The following LAMA5 variants were observed in gnomAD, a reference collection of about 807,000 sequenced individuals.
LAMA5 encodes the protein laminin subunit alpha-5.
In LAMA5, 260 loss-of-function variants were observed where a neutral mutation model predicts 433.4. The ratio of observed to expected loss-of-function variants is 0.60; its 90% confidence interval spans 0.54 to 0.66. The LOEUF (loss-of-function observed/expected upper bound fraction) is 0.66, where lower values mean the gene tolerates loss of function less well. LAMA5 is among the 30% of genes least tolerant of loss of function. LAMA5 has a pLI of 0.00. For synonymous variants in LAMA5, 2,620 were observed against 2,226.6 expected, an observed-to-expected ratio of 1.18 and a Z score of -4.97; for missense variants, 5,378 against 5,258.5, an observed-to-expected ratio of 1.02 and a Z score of -0.70.
intron 19 of LAMA5, 38 bp from the exon 20 acceptor site, chr20:62,335,164 G>A: frequency 6.2e-7 from 1 of 1,612,154 alleles, no homozygotes. Context: ...GGGCAGGGGA[G>A]GGTCCTGACC....
intron 74 of LAMA5, 28 bp from the exon 75 acceptor site, chr20:62,310,857 G>A (rs1041230973): frequency 1.1e-5 from 17 of 1,597,838 alleles, no homozygotes; most frequent in Non-Finnish European, 1.4e-5. Context: ...GTCAGGGTAG[G>A]GCTGCCAGGC....
At chr20:62,319,037 G>A (rs1601305191) in intron 51 of LAMA5, 24 bp from the exon 52 acceptor site, 1 of 1,521,506 alleles carries the variant, frequency 6.6e-7, no homozygotes, top group East Asian at 2.4e-5. Context: ...GTTCGTCAGA[G>A]CCTGGGGCCG....
rs372144112 is a variant in LAMA5 at position 62,325,506 on chromosome 20, C to A, written c.5339G>T (p.Arg1780Leu). The change falls in exon 41 of 80, where the codon CGC becomes CTC. Residue 1780 changes from arginine to leucine, a missense_variant. Transcript: ENST00000252999. ...GGCCAGCACCATCATGAGCTCCTCG[C>A]GGGACACAGTGTTGCGCGTCTCCGT... ...RHTETRNTVS[R>L]EELMMVLASL... 2 of 1,612,400 alleles carry A rather than the reference C, an allele frequency of 1.2e-6. No individual in the cohort carries two copies. Among genetic ancestry groups the A allele is most frequent in the African/African-American group, 2.7e-5 (2 of 74,892 alleles).
intron 26 of LAMA5, 148 bp from the exon 27 acceptor site, chr20:62,332,865 G>A (rs1001245604): frequency 2.9e-5 from 31 of 1,078,110 alleles, no homozygotes; most frequent in Non-Finnish European, 3.7e-5. Context: ...AGTGGTGGGG[G>A]CTGAGCTGTA....
intron 2 of LAMA5, among the ~76,000 whole-genome samples, chr20:62,361,858 G>C (rs991406213): frequency 1.3e-5 from 2 of 152,228 alleles, no homozygotes; most frequent in Admixed American, 6.5e-5. Context: ...CCCAGCTGCA[G>C]CCTCCTGCTT....
rs761510400 is a variant in LAMA5, at chr20:62,333,688, G to T, written c.2897C>A (p.Pro966His). ...CTCCGTGCTGGGTGGGAAGGCCACGGGCTGACTCTGTGCTGTGCCTGGGCG... is the reference window on the plus strand; with the variant it reads ...CTCCGTGCTGGGTGGGAAGGCCACGTGCTGACTCTGTGCTGTGCCTGGGCG... ...TCANCTAQSQ[P>H]VAFPPSTEPA... Residue 966 changes from proline (P) to histidine (H), a missense_variant, in exon 24 of 80, where the codon CCC (proline) becomes CAC (histidine). By Grantham distance (77) the Pro-to-His change is moderately conservative. Transcript: ENST00000252999. The T allele has an allele frequency of 7.5e-6, 12 of 1,594,274 alleles. No homozygotes were observed. The highest frequency in any genetic ancestry group is 9.4e-6 in the Non-Finnish European group (11 of 1,172,316).
intron 4 of LAMA5, 61 bp downstream of exon 4, chr20:62,352,181 C>T (rs2146311419): frequency 1.3e-6 from 2 of 1,561,264 alleles, no homozygotes; most frequent in East Asian, 4.5e-5. Context: ...CGGCACTGCC[C>T]CTCCCCTACC....
intron 9 of LAMA5, 31 bp downstream of exon 9, chr20:62,346,475 C>T (rs1370949139): frequency 1.9e-6 from 3 of 1,543,796 alleles, no homozygotes; most frequent in Non-Finnish European, 1.8e-6. Context: ...ACCCTGAGAC[C>T]CAGGACACCC....
chr20:62,309,866 T>G, intron 78 of LAMA5, 31 bp from the exon 79 acceptor site: 1 of 1,610,030 alleles, frequency 6.2e-7, no homozygotes. Context: ...TGAGGCCAGG[T>G]GGTCCTCAGC....
chr20:62,315,723 C>T (rs546873935), intron 58 of LAMA5, among the ~76,000 whole-genome samples: 1 of 152,328 alleles, frequency 6.6e-6, no homozygotes, highest in East Asian at 1.9e-4. Flanking sequence ...TCCATTTCTA[C>T]CCAAAGCACT....
At chr20:62,353,011 C>T (rs1601411865) in intron 3 of LAMA5, 123 bp downstream of exon 3, 1 of 687,014 alleles carries the variant, frequency 1.5e-6, no homozygotes, top group South Asian at 1.9e-5. Flanking sequence ...ACAGTCATGA[C>T]CGCAGCAGCC....
chr20:62,320,686 G>C lies in LAMA5; in HGVS notation c.6649-17C>G. 1 of 1,611,636 alleles carries C rather than the reference G, an allele frequency of 6.2e-7. No individual in the cohort carries two copies. The highest frequency in any genetic ancestry group is 1.3e-5 in the African/African-American group (1 of 75,016). On this transcript the variant is annotated splice_polypyrimidine_tract_variant and intron_variant, in intron 49 of 79. Coordinates refer to ENST00000252999, the MANE Select transcript of LAMA5 (RefSeq NM_005560.6). ...GAGCTGGCTCTGTGGGAGGCGAAAGGTGAAGGCCTGCACTGGCCCGGGTTG... is the reference window on the plus strand; with the variant it reads ...GAGCTGGCTCTGTGGGAGGCGAAAGCTGAAGGCCTGCACTGGCCCGGGTTG...
intron 76 of LAMA5, 48 bp from the exon 77 acceptor site, chr20:62,310,359 G>C (rs370965283): frequency 6.4e-7 from 1 of 1,569,732 alleles, no homozygotes; most frequent in Non-Finnish European, 8.6e-7. Context: ...CCCCTCCCCA[G>C]AACCTCCTGG....
intron 58 of LAMA5, 82 bp downstream of exon 58, chr20:62,315,866 C>T: frequency 9.2e-7 from 1 of 1,082,792 alleles, no homozygotes; most frequent in South Asian, 1.4e-5. Context: ...AGTGAGTGCT[C>T]ACCAACCACA....
intron 1 of LAMA5, among the ~76,000 whole-genome samples, chr20:62,364,392 C>T (rs111774423): frequency 7.0e-4 from 107 of 152,266 alleles, no homozygotes; most frequent in African/African-American, 2.4e-3. Context: ...TGGAAGGTTG[C>T]GGGTCAAGGG....
In LAMA5 at chr20:62,323,687, G is replaced by A. The variant is rs1568924006; in HGVS notation, c.5850-17C>T. The A allele has an allele frequency of 1.3e-6, 2 of 1,599,294 alleles. No homozygotes were observed. The highest frequency in any genetic ancestry group is 1.3e-5 in the African/African-American group (1 of 74,688). ...GGCGCACACCTGGGAGCAGGGTGGG[G>A]AGGGGCCGTCAGTGGCCCGTGGCGC... is the stretch of plus-strand genomic sequence containing the variant. On this transcript the variant is annotated splice_polypyrimidine_tract_variant and intron_variant, in intron 44 of 79. Coordinates refer to ENST00000252999, the MANE Select transcript of LAMA5 (RefSeq NM_005560.6).
In LAMA5 at chr20:62,318,455, A is replaced by G. The variant is rs1425387042; in HGVS notation, c.7238T>C (p.Leu2413Pro). 2 of 1,578,614 alleles carry G rather than the reference A, an allele frequency of 1.3e-6. No homozygotes were observed. Among genetic ancestry groups the G allele is most frequent in the East Asian group, 2.3e-5 (1 of 43,726 alleles). ...GAAGAACAAGTCCGGGGTCCTCACC[A>G]GGGCTTCCTCCAGGCGCTCCTGGTT... ...SRNQERLEEA[L>P]QRKQELSRDN... Residue 2413 changes from leucine (L) to proline (P), a missense_variant and splice_region_variant, in exon 53 of 80, where the codon CTG becomes CCG. By Grantham distance (98) the Leu-to-Pro change is moderately conservative. Transcript: ENST00000252999.
chr20:62,345,892 C>G lies in LAMA5; in HGVS notation c.1418-15G>C, dbSNP rs1367627818. The stretch of plus-strand genomic sequence containing the variant: ...CGAGGGCGTCGCTGAGGGGAAGAGA[C>G]ACGCATGTTGGCCAGGTCTGCTCAG... On this transcript the variant is annotated splice_polypyrimidine_tract_variant and intron_variant, in intron 10 of 79. Coordinates refer to ENST00000252999, the MANE Select transcript of LAMA5 (RefSeq NM_005560.6). 1 of 1,556,090 alleles carries G rather than the reference C, an allele frequency of 6.4e-7. No individual in the cohort carries two copies. The highest frequency in any genetic ancestry group is 2.4e-5 in the East Asian group (1 of 41,390).
intron 11 of LAMA5, chr20:62,345,531 G>A (rs778787370): frequency 6.2e-5 from 34 of 547,378 alleles, no homozygotes; most frequent in East Asian, 5.3e-4. Flanking sequence ...CTCAGCCTCC[G>A]GAGTAGCTCG....
Sources: allele counts gnomAD v4.1 joint callset (sites outside exome capture counted in the v4.1 genomes callset), GRCh38; gene constraint gnomAD v4.1.1; transcripts MANE v1.5; gene names NCBI Gene and HGNC (gene_info 2026-07-23, HGNC 2026-07-21).